CRPPA: variants seen among roughly 807,000 people sequenced by gnomAD.
CRPPA encodes the protein D-ribitol-5-phosphate cytidylyltransferase.
Under a neutral mutation model 52.0 loss-of-function variants are expected in CRPPA, and 43 were observed. The observed-to-expected ratio is 0.83, with a 90% CI of 0.65 to 1.07. The LOEUF (loss-of-function observed/expected upper bound fraction) is 1.07. CRPPA is among the 50% of genes least tolerant of loss of function. CRPPA has a pLI of 0.00. For synonymous variants in CRPPA, 250 were observed against 203.5 expected (o/e 1.23, Z -1.94); for missense variants, 629 against 551.7 (o/e 1.14, Z -1.40).
intron 9 of CRPPA, among the ~76,000 whole-genome samples, chr7:16,158,147 G>A (rs982013108): frequency 6.6e-6 from 1 of 151,530 alleles, no homozygotes; most frequent in Admixed American, 6.6e-5. Context: ...GCCTCCCAAA[G>A]TGCTGGGATT....
intron 9 of CRPPA, among the ~76,000 whole-genome samples, chr7:16,141,282 A>C (rs1224424712): frequency 1.3e-5 from 2 of 152,204 alleles, no homozygotes; most frequent in Non-Finnish European, 2.9e-5. Context: ...CCAATTTATA[A>C]ATAAATTATT....
At chr7:16,115,471 A>ACT (rs1272994138) in intron 9 of CRPPA, among the ~76,000 whole-genome samples, 1 of 152,218 alleles carries the variant, frequency 6.6e-6, no homozygotes, top group Non-Finnish European at 1.5e-5. Flanking sequence ...AGAAATAGGT[A>ACT]TAGAAGAGTG....
chr7:16,111,275 A>G (rs901499784), intron 9 of CRPPA, among the ~76,000 whole-genome samples: 1 of 152,170 alleles, frequency 6.6e-6, no homozygotes, highest in Non-Finnish European at 1.5e-5. Flanking sequence ...AAGATAAAAG[A>G]TAAGAAATGT....
intron 5 of CRPPA, among the ~76,000 whole-genome samples, chr7:16,282,385 T>C (rs1034287574): frequency 2.0e-5 from 3 of 152,140 alleles, no homozygotes; most frequent in African/African-American, 7.2e-5. Context: ...TAGAATGCTG[T>C]GTAACAAATT....
In CRPPA at chr7:16,382,653, T is replaced by C. The variant is rs548751334; in HGVS notation, c.535-6412A>G. 1.4e-4 allele frequency among the ~76,000 whole-genome samples: 22 copies of C among 152,230 alleles called. No homozygotes were observed. In the East Asian group the frequency reaches 3.9e-3, roughly 27 times the overall value. ...CCAATCAGACGTAGATTTGGTCTTT[T>C]CACATAGTCCCATATTTCTTGGAGG... On this transcript the variant is annotated intron_variant, in intron 2 of 9. Coordinates refer to ENST00000407010, the MANE Select transcript of CRPPA (RefSeq NM_001101426.4).
At chr7:16,292,044 A>G (rs891148959) in intron 5 of CRPPA, among the ~76,000 whole-genome samples, 6 of 151,954 alleles carry the variant, frequency 3.9e-5, no homozygotes, top group East Asian at 3.9e-4. Flanking sequence ...ATCACGCAAC[A>G]TAATTCTCAT....
intron 3 of CRPPA, among the ~76,000 whole-genome samples, chr7:16,372,215 G>T (rs967648054): frequency 2.0e-5 from 3 of 152,230 alleles, no homozygotes; most frequent in Admixed American, 6.5e-5. Flanking sequence ...GAAATTCATT[G>T]CAAAAAGACC....
intron 9 of CRPPA, among the ~76,000 whole-genome samples, chr7:16,194,104 T>C (rs894818687): frequency 6.6e-6 from 1 of 152,084 alleles, no homozygotes; most frequent in Non-Finnish European, 1.5e-5. Flanking sequence ...GATGAAAAAC[T>C]AGAGTGACAG....
intron 8 of CRPPA, among the ~76,000 whole-genome samples, chr7:16,229,765 T>A (rs534086120): frequency 6.6e-6 from 1 of 152,080 alleles, no homozygotes; most frequent in Non-Finnish European, 1.5e-5. Context: ...TATTCATTAG[T>A]GTTGTGCTTT....
chr7:16,186,080 A>G (rs1050573684), intron 9 of CRPPA, among the ~76,000 whole-genome samples: 2 of 152,238 alleles, frequency 1.3e-5, no homozygotes, highest in African/African-American at 4.8e-5. Context: ...ATATGCATAC[A>G]TACATATATA....
chr7:16,265,464 C>G (rs1375774771), intron 6 of CRPPA, among the ~76,000 whole-genome samples: 1 of 152,116 alleles, frequency 6.6e-6, no homozygotes, highest in Non-Finnish European at 1.5e-5. Context: ...ATTTGCAGTG[C>G]TACATAGTGC....
chr7:16,355,261 A>C (rs1470505463), intron 3 of CRPPA, among the ~76,000 whole-genome samples: 1 of 152,174 alleles, frequency 6.6e-6, no homozygotes, highest in Non-Finnish European at 1.5e-5. Context: ...GCTTCTACTG[A>C]GTGGATACTC....
rs116852466 is a variant in CRPPA at position 16,227,841 on chromosome 7, C to G, written c.1120-11644G>C. Among the ~76,000 whole-genome samples, 286 of 151,930 alleles carry G rather than the reference C, an allele frequency of 1.9e-3. 3 individuals are homozygous for G. In the East Asian group the frequency reaches 0.028, roughly 15 times the overall value. ...CCCAGATCAATGTCATAAGGATTTT[C>G]TCCTATGTATCTTCTAGTAGTTTCA... On this transcript the variant is annotated intron_variant, in intron 8 of 9. Coordinates refer to ENST00000407010, the MANE Select transcript of CRPPA (RefSeq NM_001101426.4).
chr7:16,292,111 C>T (rs1784576380), intron 5 of CRPPA, among the ~76,000 whole-genome samples: 1 of 151,902 alleles, frequency 6.6e-6, no homozygotes, highest in African/African-American at 2.4e-5. Flanking sequence ...CAAAGTCATA[C>T]ATGTCTCTCA....
intron 3 of CRPPA, among the ~76,000 whole-genome samples, chr7:16,361,948 G>T (rs1020417279): frequency 5.3e-5 from 8 of 152,062 alleles, no homozygotes; most frequent in African/African-American, 1.7e-4. Context: ...TCCACCTCCC[G>T]GGTTCACGCC....
chr7:16,344,909 G>A (rs1785969762), intron 3 of CRPPA, among the ~76,000 whole-genome samples: 1 of 151,812 alleles, frequency 6.6e-6, no homozygotes, highest in Non-Finnish European at 1.5e-5. Flanking sequence ...CACCCAGAAG[G>A]ACAGGACAGA....
intron 9 of CRPPA, among the ~76,000 whole-genome samples, chr7:16,141,358 T>C (rs573520939): frequency 1.8e-4 from 28 of 152,364 alleles, no homozygotes; most frequent in Non-Finnish European, 3.4e-4. Flanking sequence ...CTGATTTGTA[T>C]ATAAATTATC....
intron 1 of CRPPA, among the ~76,000 whole-genome samples, chr7:16,419,429 A>G (rs1438395510): frequency 3.9e-5 from 6 of 152,216 alleles, no homozygotes; most frequent in Non-Finnish European, 5.9e-5. Flanking sequence ...AACAAAATTG[A>G]TAATAGCCCT....
chr7:16,311,424 A>C (rs182025182), intron 3 of CRPPA, among the ~76,000 whole-genome samples: 118 of 152,268 alleles, frequency 7.7e-4, no homozygotes, highest in African/African-American at 2.7e-3. Context: ...AATAGCTGTA[A>C]TCATAGAATA....
Sources: allele counts gnomAD v4.1 joint callset (sites outside exome capture counted in the v4.1 genomes callset), GRCh38; gene constraint gnomAD v4.1.1; transcripts MANE v1.5; gene names NCBI Gene and HGNC (gene_info 2026-07-23, HGNC 2026-07-21).